The following ATG14 variants were observed in gnomAD, a reference collection of about 807,000 sequenced individuals.
The protein encoded by ATG14 is autophagy related 14.
ATG14 carries 35 observed loss-of-function variants against 60.4 expected under a neutral mutation model. The ratio of observed to expected loss-of-function variants is 0.58; its 90% CI spans 0.44 to 0.77. The LOEUF is 0.77. Among genes scored for constraint, ATG14 ranks in the 30% least tolerant of loss-of-function variants. The pLI is 0.00. For missense variants in ATG14, 647 were observed against 626.3 expected (o/e 1.03, Z -0.35); for synonymous variants, 234 against 228.8 (o/e 1.02, Z -0.21).
chr14:55,386,662 C>T (rs1038271058), intron 4 of ATG14, among the ~76,000 whole-genome samples: 13 of 152,170 alleles, frequency 8.5e-5, no homozygotes, highest in Admixed American at 5.2e-4. Context: ...TATCTAGACA[C>T]GCATGCCCAG....
intron 3 of ATG14, among the ~76,000 whole-genome samples, chr14:55,391,471 TAAAAAAAA>T (rs746307684): frequency 1.3e-5 from 1 of 75,790 alleles, no homozygotes; most frequent in Non-Finnish European, 3.0e-5. Flanking sequence ...TGAGACTCCA[TAAAAAAAA>T]AAAAAAAAAA....
chr14:55,396,146 AT>A (rs1885311121), intron 2 of ATG14, among the ~76,000 whole-genome samples, 164 bp from the exon 3 acceptor site: 1 of 152,186 alleles, frequency 6.6e-6, no homozygotes, highest in Non-Finnish European at 1.5e-5. Context: ...GTTCTCTGCA[AT>A]TTTTTTCATC....
At chr14:55,377,095 C>T (rs1169984767) in intron 9 of ATG14, among the ~76,000 whole-genome samples, 4 of 152,122 alleles carry the variant, frequency 2.6e-5, no homozygotes, top group African/African-American at 9.7e-5. Context: ...GCCTGTAATC[C>T]CAGCACTTTG....
At chr14:55,395,805 A>G (rs76264591) in intron 3 of ATG14, 135 bp downstream of exon 3, 32,488 of 490,524 alleles carry the variant, frequency 0.066, 1,278 homozygotes, top group South Asian at 0.09. Context: ...TATTTGAGAA[A>G]GCCACGCTAC....
chr14:55,385,660 T>G (rs557483916), intron 5 of ATG14, among the ~76,000 whole-genome samples, 199 bp downstream of exon 5: 1 of 152,302 alleles, frequency 6.6e-6, no homozygotes, highest in South Asian at 2.1e-4. Context: ...AGTACACAAG[T>G]GTGGGCCCCA....
At chr14:55,379,742 G>A (rs1884993092) in intron 7 of ATG14, among the ~76,000 whole-genome samples, 1 of 152,154 alleles carries the variant, frequency 6.6e-6, no homozygotes, top group South Asian at 2.1e-4. Context: ...TTATTTTTGA[G>A]ACGAAGTCTC....
At position 55,369,813 on chromosome 14, in the gene ATG14, T is replaced by C. The variant is rs1884771917; in HGVS notation, c.1285A>G (p.Thr429Ala). The C allele has an allele frequency of 6.2e-7, 1 of 1,613,972 alleles. No individual in the cohort carries two copies. The highest frequency in any genetic ancestry group is 8.5e-7 in the Non-Finnish European group (1 of 1,180,020). Residue 429 changes from threonine to alanine, a missense_variant, in exon 10 of 10, where the codon ACC becomes GCC. Physicochemically the swap from Thr to Ala is moderately conservative, Grantham distance 58. Transcript: ENST00000247178. ...TTCTCCCAGTCTGTGCCCAGGTCGG[T>C]TTCTTCATCGCTGACGCGCTCATCT... is the stretch of plus-strand genomic sequence containing the variant. Reference protein sequence around the residue: ...SGDERVSDEETDLGTDWENLP... With the variant: ...SGDERVSDEEADLGTDWENLP...
chr14:55,406,006 G>C (rs748790836), intron 1 of ATG14, among the ~76,000 whole-genome samples: 6 of 152,166 alleles, frequency 3.9e-5, no homozygotes, highest in Admixed American at 2.0e-4. Context: ...AAGTTGTAGG[G>C]AAGTCTTCCC....
chr14:55,409,349 T>C (rs939138403), intron 1 of ATG14, among the ~76,000 whole-genome samples: 3 of 152,204 alleles, frequency 2.0e-5, no homozygotes, highest in Non-Finnish European at 2.9e-5. Context: ...GTTTCTACTA[T>C]GTGAGAATAC....
rs777618732 is a variant in ATG14 at position 55,411,741 on chromosome 14, C to A, written c.82G>T (p.Asp28Tyr). The change falls in exon 1 of 10, where the codon GAC becomes TAC. Residue 28 changes from aspartate (D) to tyrosine (Y), a missense_variant. Physicochemically the swap from Asp to Tyr is radical, Grantham distance 160. Coordinates refer to ENST00000247178, the MANE Select transcript of ATG14 (RefSeq NM_014924.5). ...GPRPLARDLV[D>Y]SVDDAEGLYV... ...AGCCCCTCCGCATCGTCCACGGAGT[C>A]CACCAGGTCCCGGGCGAGCGGCCGG... is the stretch of plus-strand genomic sequence containing the variant. 4 of 1,610,362 alleles carry A rather than the reference C, an allele frequency of 2.5e-6. No homozygotes were observed. Among genetic ancestry groups the A allele is most frequent in the African/African-American group, 1.3e-5 (1 of 74,904 alleles).
In ATG14 at chr14:55,389,221, G is replaced by C. The variant is rs546302973; in HGVS notation, c.409+1690C>G. Among the ~76,000 whole-genome samples the C allele has an allele frequency of 3.3e-5, 5 of 152,306 alleles. No homozygotes were observed. The East Asian group carries it at 9.6e-4, about 29-fold the overall frequency. On this transcript the variant is annotated intron_variant, in intron 4 of 9. Coordinates refer to ENST00000247178, the MANE Select transcript of ATG14 (RefSeq NM_014924.5). ...TTTAACATGCTCATCAGAGAAACAC[G>C]CATGATCAGTAAATTCAGCAATTTT...
intron 4 of ATG14, among the ~76,000 whole-genome samples, chr14:55,389,558 C>T (rs568584904): frequency 6.6e-6 from 1 of 152,242 alleles, no homozygotes; most frequent in African/African-American, 2.4e-5. Context: ...AATGAGTAGA[C>T]AAGAAAAAGG....
At position 55,385,763 on chromosome 14, in the gene ATG14, C is replaced by A. The variant is rs946881891; in HGVS notation, c.647+96G>T. 1.2e-5 allele frequency: 13 copies of A among 1,068,920 alleles called. No homozygotes were observed. In the Admixed American group the frequency reaches 2.8e-4, roughly 23 times the overall value. 66.2% of individuals were successfully genotyped at this position (1,068,920 alleles called of 1,614,324 possible). On this transcript the variant is annotated intron_variant, in intron 5 of 9. Transcript: ENST00000247178. ...GTTCCATCACCAGGAAAACCAATGA[C>A]CCTAGAATAAGACCCAATAAATAAG...
In ATG14 at chr14:55,404,594, T is replaced by C. The variant is rs115998825; in HGVS notation, c.221+7008A>G. Reference sequence around the variant, plus strand: ...AACTCTTTTGCATTATGACAGGCCTTGAAAATATCTAGAGGGAGAGAACCT... The same window carrying C: ...AACTCTTTTGCATTATGACAGGCCTCGAAAATATCTAGAGGGAGAGAACCT... On this transcript the variant is annotated intron_variant, in intron 1 of 9. Transcript: ENST00000247178. Among the ~76,000 whole-genome samples the C allele has an allele frequency of 5.7e-3, 872 of 152,224 alleles. 12 individuals carry two copies. Among genetic ancestry groups the C allele is most frequent in the African/African-American group, 0.019 (796 of 41,550 alleles).
intron 3 of ATG14, among the ~76,000 whole-genome samples, chr14:55,395,636 T>C (rs1483121240): frequency 2.6e-5 from 4 of 152,250 alleles, no homozygotes; most frequent in Admixed American, 2.6e-4. Context: ...CATTTAATCA[T>C]TAATCCATTT....
chr14:55,382,212 A>T (rs1326327064), intron 5 of ATG14, 21 bp from the exon 6 acceptor site: 1 of 1,610,912 alleles, frequency 6.2e-7, no homozygotes. Flanking sequence ...GAAGACACAC[A>T]CGGATTTTCA....
intron 1 of ATG14, among the ~76,000 whole-genome samples, chr14:55,404,360 C>T (rs1885455672): frequency 6.6e-6 from 1 of 152,222 alleles, no homozygotes; most frequent in Admixed American, 6.5e-5. Context: ...AAAGAAAACA[C>T]ATGCTCTCTC....
intron 5 of ATG14, 40 bp downstream of exon 5, chr14:55,385,819 C>A: frequency 6.7e-7 from 1 of 1,496,574 alleles, no homozygotes; most frequent in Non-Finnish European, 9.1e-7. Flanking sequence ...GTATTTGGAA[C>A]TTGATCTATT....
In ATG14 at chr14:55,369,334, C is replaced by A; in HGVS notation, c.*285G>T. 1 of 245,992 alleles carries A rather than the reference C, an allele frequency of 4.1e-6. No individual in the cohort carries two copies. The highest frequency in any genetic ancestry group is 7.7e-6 in the Non-Finnish European group (1 of 129,578). 15.2% of individuals were successfully genotyped at this position (245,992 alleles called of 1,614,324 possible). A position where few individuals can be genotyped will look rare whatever the true frequency, so the allele number is the denominator to read the frequency against. The stretch of plus-strand genomic sequence containing the variant: ...AGAGGGAACCCAAATCAACTGCTTC[C>A]TTGGCAGAACTGGCCACACGCACAG... On this transcript the variant is annotated 3_prime_UTR_variant, in exon 10 of 10. Coordinates refer to ENST00000247178, the MANE Select transcript of ATG14 (RefSeq NM_014924.5).
Sources: gnomAD v4.1 joint callset for allele counts (sites outside exome capture counted in the v4.1 genomes callset) on GRCh38, gnomAD v4.1.1 for gene constraint, MANE v1.5 for transcripts, NCBI Gene and HGNC (gene_info 2026-07-23, HGNC 2026-07-21) for gene names.